ITGBL1: variants seen among roughly 807,000 people sequenced by gnomAD.
ITGBL1 encodes integrin beta-like protein 1.
A neutral mutation model predicts 68.5 loss-of-function variants in ITGBL1; 51 were observed. The observed-to-expected ratio is 0.74, with a 90% CI of 0.59 to 0.94. The LOEUF (loss-of-function observed/expected upper bound fraction) is 0.94. Ranked by LOEUF, ITGBL1 falls within the 40% of genes least tolerant of loss-of-function variation. The pLI is 0.00. For synonymous variants in ITGBL1, 209 were observed against 227.3 expected (o/e 0.92, Z 0.72); for missense variants, 649 against 647.4 (o/e 1.00, Z -0.03).
intron 2 of ITGBL1, among the ~76,000 whole-genome samples, chr13:101,491,141 G>T (rs1290303297): frequency 6.6e-6 from 1 of 152,154 alleles, no homozygotes; most frequent in African/African-American, 2.4e-5. Context: ...GAATAATTTT[G>T]TCCTTAATGA....
intron 9 of ITGBL1, among the ~76,000 whole-genome samples, chr13:101,710,271 C>T (rs969309858): frequency 8.5e-5 from 13 of 152,196 alleles, no homozygotes; most frequent in Non-Finnish European, 1.3e-4. Flanking sequence ...GACCGGCCTC[C>T]GGACTGTTGG....
intron 2 of ITGBL1, among the ~76,000 whole-genome samples, chr13:101,517,796 T>A (rs1206454777): frequency 6.6e-6 from 1 of 152,148 alleles, no homozygotes; most frequent in African/African-American, 2.4e-5. Context: ...TACAATGGGT[T>A]CAGAGAGTGC....
intron 7 of ITGBL1, among the ~76,000 whole-genome samples, chr13:101,633,053 G>T (rs555569583): frequency 6.6e-6 from 1 of 152,196 alleles, no homozygotes; most frequent in Non-Finnish European, 1.5e-5. Context: ...GTCCAGGATA[G>T]ATGAGTGCTC....
At position 101,604,887 on chromosome 13, in the gene ITGBL1, T is replaced by TATATGTATATATATATACACACACAC; in HGVS notation, c.1015+6589_1015+6590insTATGTATATATATATACACACACACA. ...ATATATATATATATATATATATATA[T>TATATGTATATATATATACACACACAC]ACACACACACACACATATATATGTG... On this transcript the variant is annotated intron_variant, in intron 7 of 10. Coordinates refer to ENST00000376180, the MANE Select transcript of ITGBL1 (RefSeq NM_004791.3). Among the ~76,000 whole-genome samples, 31 of 22,170 alleles carry TATATGTATATATATATACACACACAC rather than the reference T, an allele frequency of 1.4e-3. 3 individuals are homozygous for TATATGTATATATATATACACACACAC. The highest frequency in any genetic ancestry group is 4.2e-3 in the African/African-American group (28 of 6,638). 14.5% of individuals were successfully genotyped at this position (22,170 alleles called of 152,430 possible).
At chr13:101,474,526 G>A (rs2048508001) in intron 2 of ITGBL1, among the ~76,000 whole-genome samples, 1 of 152,132 alleles carries the variant, frequency 6.6e-6, no homozygotes, top group Non-Finnish European at 1.5e-5. Context: ...CACAATCCTG[G>A]CTCAGTTTGC....
chr13:101,503,504 G>T (rs2048976920), intron 2 of ITGBL1, among the ~76,000 whole-genome samples: 1 of 152,128 alleles, frequency 6.6e-6, no homozygotes, highest in Admixed American at 6.5e-5. Context: ...CCCCCAGGTG[G>T]GCCAGGAACT....
At chr13:101,531,803 A>G (rs1220754936) in intron 2 of ITGBL1, among the ~76,000 whole-genome samples, 3 of 150,756 alleles carry the variant, frequency 2.0e-5, no homozygotes, top group African/African-American at 4.9e-5. Flanking sequence ...TGCGATCTTG[A>G]CTCACTGCAA....
At chr13:101,545,749 G>T (rs1368372673) in intron 2 of ITGBL1, among the ~76,000 whole-genome samples, 3 of 152,232 alleles carry the variant, frequency 2.0e-5, no homozygotes, top group African/African-American at 7.2e-5. Flanking sequence ...CATCACTGGG[G>T]CCCTCTGCTG....
chr13:101,577,568 G>A (rs150342062), intron 4 of ITGBL1, among the ~76,000 whole-genome samples: 2 of 152,194 alleles, frequency 1.3e-5, no homozygotes, highest in African/African-American at 4.8e-5. Context: ...AAAGAATTTG[G>A]ATGTGAGAAA....
At position 101,628,598 on chromosome 13, in the gene ITGBL1, A is replaced by AT. The variant is rs2031871478; in HGVS notation, c.1015+30299_1015+30300insT. 6.8e-5 allele frequency among the ~76,000 whole-genome samples: 4 copies of AT among 58,562 alleles called. No individual in the cohort carries two copies. In the South Asian group the frequency reaches 2.7e-3, roughly 39 times the overall value. 38.4% of individuals were successfully genotyped at this position (58,562 alleles called of 152,430 possible). ...CAGGCGTGCACCACCATACCCAGCT[A>AT]ATTTTTTTTTTTTTTGTATTTTTAG... On this transcript the variant is annotated intron_variant, in intron 7 of 10. Coordinates refer to ENST00000376180, the MANE Select transcript of ITGBL1 (RefSeq NM_004791.3).
intron 3 of ITGBL1, among the ~76,000 whole-genome samples, chr13:101,569,860 G>C (rs1490959011): frequency 1.3e-5 from 2 of 152,142 alleles, no homozygotes; most frequent in African/African-American, 4.8e-5. Flanking sequence ...GCTGGTCAAG[G>C]TGTTGGCTGG....
intron 2 of ITGBL1, among the ~76,000 whole-genome samples, chr13:101,552,257 A>G (rs1414449487): frequency 6.6e-6 from 1 of 152,216 alleles, no homozygotes; most frequent in Non-Finnish European, 1.5e-5. Flanking sequence ...GAGAGAGAGT[A>G]TCATATCCTG....
chr13:101,553,767 C>G (rs2139218216), intron 2 of ITGBL1, among the ~76,000 whole-genome samples: 1 of 152,036 alleles, frequency 6.6e-6, no homozygotes, highest in South Asian at 2.1e-4. Flanking sequence ...GTGCCTGCCG[C>G]TGTGTCCATA....
At chr13:101,499,992 C>T (rs1407834514) in intron 2 of ITGBL1, among the ~76,000 whole-genome samples, 1 of 152,170 alleles carries the variant, frequency 6.6e-6, no homozygotes, top group Non-Finnish European at 1.5e-5. Flanking sequence ...GTCACCACTC[C>T]TTTCATCTGA....
intron 7 of ITGBL1, among the ~76,000 whole-genome samples, chr13:101,600,696 C>T (rs187340317): frequency 5.3e-5 from 8 of 152,182 alleles, no homozygotes; most frequent in Non-Finnish European, 2.9e-5. Flanking sequence ...TTGAGATAAT[C>T]ATGTGATTTT....
chr13:101,575,449 G>A lies in ITGBL1; in HGVS notation c.489G>A (p.Lys163=), dbSNP rs748655121. ...GTACATGTCACTGTGGCAGGTGTAA[G>A]TGTGATAATTCAGATGGAAGTGGAC... The part of the protein sequence containing the change: ...NAGTCHCGRC[K]CDNSDGSGLV... The change falls in exon 4 of 11, where the codon AAG becomes AAA. Residue 163 remains lysine, a synonymous_variant. Transcript: ENST00000376180. The A allele has an allele frequency of 1.2e-6, 2 of 1,613,116 alleles. No individual in the cohort carries two copies. Among genetic ancestry groups the A allele is most frequent in the South Asian group, 1.1e-5 (1 of 91,066 alleles).
At chr13:101,559,110 A>G (rs575517045) in intron 2 of ITGBL1, among the ~76,000 whole-genome samples, 2 of 152,324 alleles carry the variant, frequency 1.3e-5, no homozygotes, top group Non-Finnish European at 2.9e-5. Context: ...CAATAAACAT[A>G]TCATGATTAT....
At chr13:101,487,691 G>C (rs2048720247) in intron 2 of ITGBL1, among the ~76,000 whole-genome samples, 1 of 152,160 alleles carries the variant, frequency 6.6e-6, no homozygotes, top group African/African-American at 2.4e-5. Flanking sequence ...GTTAACCAGT[G>C]TCCTCGGTGA....
At chr13:101,481,142 A>ATATG (rs1171709461) in intron 2 of ITGBL1, among the ~76,000 whole-genome samples, 4 of 141,106 alleles carry the variant, frequency 2.8e-5, no homozygotes, top group African/African-American at 7.8e-5. Context: ...GTGCATATAT[A>ATATG]TATGTATATA....
Sources: allele counts gnomAD v4.1 joint callset (sites outside exome capture counted in the v4.1 genomes callset), GRCh38; gene constraint gnomAD v4.1.1; transcripts MANE v1.5; gene names NCBI Gene and HGNC (gene_info 2026-07-23, HGNC 2026-07-21).